Variants in EVPL observed in about 807,000 individuals in gnomAD.
EVPL encodes the protein 210 kDa cornified envelope precursor protein.
A neutral mutation model predicts 129.7 loss-of-function variants in EVPL; 94 were observed. That is an observed-to-expected ratio of 0.72 (90% CI 0.61 to 0.86). EVPL has a LOEUF of 0.86. Among genes scored for constraint, EVPL ranks in the 40% least tolerant of loss-of-function variants. The pLI, the probability that EVPL is intolerant of heterozygous loss-of-function variation, is 0.00. For missense variants in EVPL, 2,625 were observed against 2,721.1 expected (o/e 0.96, Z 0.79); for synonymous variants, 1,172 against 1,191.1 (o/e 0.98, Z 0.33).
chr17:76,022,376 G>C lies in EVPL; in HGVS notation c.606+37C>G. On this transcript the variant is annotated intron_variant, in intron 5 of 21. Coordinates refer to ENST00000301607, the MANE Select transcript of EVPL (RefSeq NM_001988.4). This position sits in a 1 kb window ranked among gnomAD's most constrained non-coding sequence, Gnocchi z 5.6. ...GCTCTGACTGGAGAAACGGGCTGGG[G>C]CTGGCCCCGGATGTGACATCCTCCA... The C allele has an allele frequency of 6.2e-7, 1 of 1,612,428 alleles. No individual in the cohort carries two copies. Among genetic ancestry groups the C allele is most frequent in the South Asian group, 1.1e-5 (1 of 90,878 alleles).
chr17:76,017,861 G>A lies in EVPL; in HGVS notation c.1588C>T (p.Gln530Ter). 6 of 1,614,114 alleles carry A rather than the reference G, an allele frequency of 3.7e-6. No homozygotes were observed. The highest frequency in any genetic ancestry group is 1.1e-5 in the South Asian group (1 of 91,086). ...AGGTCTCCATCCAGCCGGGTCATCT[G>A]TGTCAGGAGCTTCTGGGCCTGTGGG... is the stretch of plus-strand genomic sequence containing the variant. ...ANPQAQKLLT[Q>*]MTRLDGDLGQ... The change falls in exon 14 of 22, where the codon CAG becomes TAG. Residue 530 changes from glutamine to a stop codon, truncating the protein, a stop_gained. Coordinates refer to ENST00000301607, the MANE Select transcript of EVPL (RefSeq NM_001988.4). LOFTEE classifies it high-confidence loss of function.
In EVPL at chr17:76,014,564, C is replaced by A. The variant is rs954349359; in HGVS notation, c.2235G>T (p.Val745=). 2 of 1,612,194 alleles carry A rather than the reference C, an allele frequency of 1.2e-6. No homozygotes were observed. Among genetic ancestry groups the A allele is most frequent in the Admixed American group, 3.4e-5 (2 of 59,680 alleles). ...GCTGGTAGGTGAGGGCGGCATCCTGCACCACCTTCTCCCTGCAGGAGGACG... is the reference window on the plus strand; with the variant it reads ...GCTGGTAGGTGAGGGCGGCATCCTGAACCACCTTCTCCCTGCAGGAGGACG... The part of the protein sequence containing the change: ...GDQLDLREKV[V]QDAALTYQQF... Residue 745 remains valine, a synonymous_variant, in exon 18 of 22, where the codon GTG becomes GTT. Coordinates refer to ENST00000301607, the MANE Select transcript of EVPL (RefSeq NM_001988.4).
Position 76,009,827 on chromosome 17 carries a change from AGCCC to A in EVPL, c.3374_3377del (p.Arg1125LeufsTer11). 6.2e-7 allele frequency: 1 copy of A among 1,613,752 alleles called. No individual in the cohort carries two copies. The highest frequency in any genetic ancestry group is 8.5e-7 in the Non-Finnish European group (1 of 1,179,950). ...TGACCTTGGGCTCCACCGAGCTGAT[AGCCC>A]GCTCCAGGTCTTCGATGCGAGCCTG... On this transcript the variant is annotated frameshift_variant, in exon 22 of 22. Transcript: ENST00000301607. LOFTEE classifies it low-confidence loss of function (END_TRUNC). This position sits in a 1 kb window ranked among gnomAD's most constrained non-coding sequence, Gnocchi z 5.9.
In EVPL at chr17:76,013,450, C is replaced by T. The variant is rs901559736; in HGVS notation, c.2373+976G>A. On this transcript the variant is annotated intron_variant, in intron 18 of 21. Coordinates refer to ENST00000301607, the MANE Select transcript of EVPL (RefSeq NM_001988.4). This position sits in a 1 kb window ranked among gnomAD's most constrained non-coding sequence, Gnocchi z 4.3. ...TCCCCGCTGCCCTCGGCTGTCCTGG[C>T]CACCTCATTTCAGCATGACCCAGCC... 2.1e-4 allele frequency among the ~76,000 whole-genome samples: 32 copies of T among 152,174 alleles called. No individual in the cohort carries two copies. The highest frequency in any genetic ancestry group is 4.4e-5 in the Non-Finnish European group (3 of 68,034).
Position 76,008,411 on chromosome 17 carries a change from C to G in EVPL, c.4794G>C (p.Glu1598Asp). The change falls in exon 22 of 22, where the codon GAG (glutamate) becomes GAC (aspartate). Residue 1598 changes from glutamate to aspartate, a missense_variant. Physicochemically the swap from Glu to Asp is conservative, Grantham distance 45. Around this residue, in one of 4 missense-constraint regions of EVPL, gnomAD observed 1,453 missense variants for 1,511.8 expected, o/e 0.96. Coordinates refer to ENST00000301607, the MANE Select transcript of EVPL (RefSeq NM_001988.4). The surrounding 1 kb of genome is among the most constrained non-coding windows in gnomAD (Gnocchi z 7.4). Reference protein sequence around the residue: ...ADQECGRLQQELRALERQKQQ... With the variant: ...ADQECGRLQQDLRALERQKQQ... The stretch of plus-strand genomic sequence containing the variant: ...GCTTCTGCCTCTCCAGAGCCCGCAG[C>G]TCCTGCTGCAGCCGCCCACACTCCT... 1 of 1,593,338 alleles carries G rather than the reference C, an allele frequency of 6.3e-7. No individual in the cohort carries two copies. Among genetic ancestry groups the G allele is most frequent in the African/African-American group, 1.3e-5 (1 of 74,830 alleles).
chr17:76,016,725 G>A (rs1279034083), intron 14 of EVPL, among the ~76,000 whole-genome samples: 3 of 152,072 alleles, frequency 2.0e-5, no homozygotes, highest in Non-Finnish European at 2.9e-5. Context: ...ACCAGCCTGG[G>A]CAACATGGCA....
rs1453055814 is a variant in EVPL, at chr17:76,018,935, G to T, written c.1263C>A (p.Ile421=). The part of the protein sequence containing the change: ...PPQQPLHVDS[I]CDWDSGEVQL... ...GCACTTCTCCTGAGTCCCAGTCGCAGATGCTGTCCACGTGCAGGGGCTGCT... is the reference window on the plus strand; with the variant it reads ...GCACTTCTCCTGAGTCCCAGTCGCATATGCTGTCCACGTGCAGGGGCTGCT... Residue 421 remains isoleucine, a synonymous_variant, in exon 11 of 22, where the codon ATC becomes ATA. Transcript: ENST00000301607. The T allele has an allele frequency of 6.5e-7, 1 of 1,544,392 alleles. No individual in the cohort carries two copies. Among genetic ancestry groups the T allele is most frequent in the South Asian group, 1.2e-5 (1 of 83,732 alleles).
At position 76,010,145 on chromosome 17, in the gene EVPL, G is replaced by A; in HGVS notation, c.3060C>T (p.Thr1020=). 2 of 1,614,068 alleles carry A rather than the reference G, an allele frequency of 1.2e-6. No individual in the cohort carries two copies. The highest frequency in any genetic ancestry group is 1.7e-6 in the Non-Finnish European group (2 of 1,180,024). ...MQPHLLTKEV[T]QVERDPGLDS... The stretch of plus-strand genomic sequence containing the variant: ...CCAGGCCGGGGTCCCTCTCCACCTG[G>A]GTGACCTCCTTGGTCAGCAGATGAG... Residue 1020 remains threonine, a synonymous_variant, in exon 22 of 22, where the codon ACC becomes ACT. Transcript: ENST00000301607.
At chr17:76,016,716 C>T (rs540563812) in intron 14 of EVPL, among the ~76,000 whole-genome samples, 2 of 152,168 alleles carry the variant, frequency 1.3e-5, no homozygotes, top group South Asian at 4.1e-4. Flanking sequence ...GAGTTTGAGA[C>T]CAGCCTGGGC....
At chr17:76,019,412 C>T (rs1467077539) in intron 10 of EVPL, 116 bp downstream of exon 10, 10 of 1,341,908 alleles carry the variant, frequency 7.5e-6, no homozygotes, top group Non-Finnish European at 9.9e-6. Context: ...CTGCCAGCAC[C>T]CAGGCCAGGG....
Position 76,008,934 on chromosome 17 carries a change from C to T in EVPL, c.4271G>A (p.Ser1424Asn), listed in dbSNP as rs1279649111. ...AGVEEQEGLLSFQEDRSKKLA... is the reference protein window; with the variant it reads ...AGVEEQEGLLNFQEDRSKKLA... ...CTTCTTGCTGCGGTCCTCCTGGAAG[C>T]TGAGCAGGCCCTCCTGCTCCTCCAC... The change falls in exon 22 of 22, where the codon AGC (serine) becomes AAC (asparagine). Residue 1424 changes from serine (S) to asparagine (N), a missense_variant. Ser to Asn is a conservative substitution (Grantham distance 46, BLOSUM62 1). Around this residue, in one of 4 missense-constraint regions of EVPL, gnomAD observed 1,453 missense variants for 1,511.8 expected, o/e 0.96. Coordinates refer to ENST00000301607, the MANE Select transcript of EVPL (RefSeq NM_001988.4). The surrounding 1 kb of genome is among the most constrained non-coding windows in gnomAD (Gnocchi z 7.4). 6.2e-7 allele frequency: 1 copy of T among 1,612,608 alleles called. No individual in the cohort carries two copies. Among genetic ancestry groups the T allele is most frequent in the Non-Finnish European group, 8.5e-7 (1 of 1,179,988 alleles).
chr17:76,008,327 G>T lies in EVPL; in HGVS notation c.4878C>A (p.Ser1626Arg), dbSNP rs764088999. The T allele has an allele frequency of 6.2e-7, 1 of 1,606,514 alleles. No homozygotes were observed. Among genetic ancestry groups the T allele is most frequent in the Non-Finnish European group, 8.5e-7 (1 of 1,179,794 alleles). ...ESKLLSQKTE[S>R]ERQKAAQRGQ... Reference sequence around the variant, plus strand: ...CCCGCTGGGCCGCCTTCTGTCGCTCGCTCTCCGTCTTCTGGCTGAGCAGCT... The same window carrying T: ...CCCGCTGGGCCGCCTTCTGTCGCTCTCTCTCCGTCTTCTGGCTGAGCAGCT... Residue 1626 changes from serine to arginine, a missense_variant, in exon 22 of 22, where the codon AGC (serine) becomes AGA (arginine). This residue lies in a region of EVPL where 1,453 missense variants were observed against 1,511.8 expected (regional missense o/e 0.96). Coordinates refer to ENST00000301607, the MANE Select transcript of EVPL (RefSeq NM_001988.4). This position sits in a 1 kb window ranked among gnomAD's most constrained non-coding sequence, Gnocchi z 7.4.
Position 76,014,960 on chromosome 17 carries a change from G to T in EVPL, c.2178C>A (p.Ala726=). The T allele has an allele frequency of 6.3e-7, 1 of 1,596,032 alleles. No individual in the cohort carries two copies. Among genetic ancestry groups the T allele is most frequent in the Non-Finnish European group, 8.5e-7 (1 of 1,174,180 alleles). The change falls in exon 17 of 22, where the codon GCC becomes GCA. Residue 726 remains alanine (A), a synonymous_variant. Transcript: ENST00000301607. ...CTACGGCGTGGTAGCGGTCGGTGAG[G>T]GCTCGCACCTGGCGCTGCTGGCGAG... ...DLPRQQRQVR[A]LTDRYHAVGD...
rs201556926 is a variant in EVPL at position 76,007,958 on chromosome 17, G to A, written c.5247C>T (p.Ile1749=). Residue 1749 remains isoleucine, a synonymous_variant, in exon 22 of 22, where the codon ATC becomes ATT. Transcript: ENST00000301607. This position sits in a 1 kb window ranked among gnomAD's most constrained non-coding sequence, Gnocchi z 8.8. The part of the protein sequence containing the change: ...LDRKSGKQYS[I]EAALRCRRIS... ...TGCGCCGGCAGCGGAGGGCGGCCTC[G>A]ATGGAGTACTGCTTCCCGCTCTTGC... 10 of 1,614,088 alleles carry A rather than the reference G, an allele frequency of 6.2e-6. No homozygotes were observed. The highest frequency in any genetic ancestry group is 2.2e-5 in the East Asian group (1 of 44,878).
rs1002881029 is a variant in EVPL at position 76,009,113 on chromosome 17, C to T, written c.4092G>A (p.Arg1364=). The change falls in exon 22 of 22, where the codon AGG becomes AGA. Residue 1364 remains arginine (R), a synonymous_variant. Coordinates refer to ENST00000301607, the MANE Select transcript of EVPL (RefSeq NM_001988.4). This position sits in a 1 kb window ranked among gnomAD's most constrained non-coding sequence, Gnocchi z 5.9. ...GCACCACCACCTTCTCCTCGGGCTT[C>T]CTCCTCTCCAGCAGCAGGCGCTTGC... ...LQSKRLLLER[R]KPEEKVVVQE... The T allele has an allele frequency of 6.2e-7, 1 of 1,613,086 alleles. No homozygotes were observed. Among genetic ancestry groups the T allele is most frequent in the Admixed American group, 1.7e-5 (1 of 60,006 alleles).
chr17:76,024,380 G>T lies in EVPL; in HGVS notation c.99-260C>A, dbSNP rs1281289926. On this transcript the variant is annotated intron_variant, in intron 1 of 21. Coordinates refer to ENST00000301607, the MANE Select transcript of EVPL (RefSeq NM_001988.4). This position sits in a 1 kb window ranked among gnomAD's most constrained non-coding sequence, Gnocchi z 4.5. ...TGGGGAGGGGGCAGGCGGCCTCGGT[G>T]TCCCAGCCTTAGCCAGCTGTGCTGG... is the stretch of plus-strand genomic sequence containing the variant. Among the ~76,000 whole-genome samples the T allele has an allele frequency of 6.6e-6, 1 of 151,472 alleles. No individual in the cohort carries two copies. Among genetic ancestry groups the T allele is most frequent in the Non-Finnish European group, 1.5e-5 (1 of 67,804 alleles).
rs747928898 is a variant in EVPL at position 76,008,203 on chromosome 17, G to A, written c.5002C>T (p.Arg1668Trp). The stretch of plus-strand genomic sequence containing the variant: ...TGGGTCTCCTGGCTGAGCTCCTCCC[G>A]GCTCACCTTGGCGTGGAGGTCCCGG... ...TLRDLHAKVSREELSQETQTR... is the reference protein window; with the variant it reads ...TLRDLHAKVSWEELSQETQTR... Residue 1668 changes from arginine to tryptophan, a missense_variant, in exon 22 of 22, where the codon CGG becomes TGG. This residue lies in a region of EVPL where 1,453 missense variants were observed against 1,511.8 expected (regional missense o/e 0.96). Transcript: ENST00000301607. The surrounding 1 kb of genome is among the most constrained non-coding windows in gnomAD (Gnocchi z 7.4). 3.1e-5 allele frequency: 50 copies of A among 1,613,948 alleles called. No individual in the cohort carries two copies. The highest frequency in any genetic ancestry group is 4.5e-5 in the East Asian group (2 of 44,896).
chr17:76,015,614 G>A lies in EVPL; in HGVS notation c.1725C>T (p.Arg575=), dbSNP rs1285937579. 6.2e-7 allele frequency: 1 copy of A among 1,613,096 alleles called. No individual in the cohort carries two copies. The highest frequency in any genetic ancestry group is 2.2e-5 in the East Asian group (1 of 44,876). Residue 575 remains arginine, a synonymous_variant, in exon 15 of 22, where the codon CGC becomes CGT. Transcript: ENST00000301607. The part of the protein sequence containing the change: ...RIHSHEGTAQ[R]LQSLGTEKET... ...CCTTCTCCGTTCCCAGGCTCTGCAG[G>A]CGCTGGGCTGTGCCCTAAAGAGGGG... is the stretch of plus-strand genomic sequence containing the variant.
Position 76,014,917 on chromosome 17 carries a change from G to A in EVPL, c.2221C>T (p.Arg741Trp). The A allele has an allele frequency of 6.3e-7, 1 of 1,579,634 alleles. No homozygotes were observed. The stretch of plus-strand genomic sequence containing the variant: ...TGCCCCGAGGACCCAGTCGCTCACC[G>A]CAGGTCCAGCTGGTCCCCTACGGCG... ...YHAVGDQLDL[R>W]EKVVQDAALT... Residue 741 changes from arginine (R) to tryptophan (W), a missense_variant and splice_region_variant, in exon 17 of 22, where the codon CGG becomes TGG. Physicochemically the swap from Arg to Trp is moderately radical, Grantham distance 101. Around this residue, in one of 4 missense-constraint regions of EVPL, gnomAD observed 1,024 missense variants for 997.5 expected, o/e 1.03. Transcript: ENST00000301607.
Sources: gnomAD v4.1 joint callset for allele counts (sites outside exome capture counted in the v4.1 genomes callset) on GRCh38, gnomAD v4.1.1 for gene constraint, gnomAD v4.1.1 regional missense constraint, Gnocchi (gnomAD v3.1) non-coding constraint, MANE v1.5 for transcripts, NCBI Gene and HGNC (gene_info 2026-07-23, HGNC 2026-07-21) for gene names.